SAMMSON: variants seen among roughly 807,000 people sequenced by gnomAD.
The protein encoded by SAMMSON is survival associated mitochondrial melanoma specific oncogenic non-coding RNA, also known as long intergenic non-protein coding RNA 1212.
At chr3:70,266,305 A>T (rs1575610373) in intron 6 of SAMMSON, among the ~76,000 whole-genome samples, 1 of 152,200 alleles carries the variant, frequency 6.6e-6, no homozygotes, top group East Asian at 1.9e-4. Context: ...TTTAATTCAT[A>T]TAGCTCAACA....
At chr3:70,372,848 T>C (rs1434969741) in intron 9 of SAMMSON, among the ~76,000 whole-genome samples, 1 of 152,214 alleles carries the variant, frequency 6.6e-6, no homozygotes, top group African/African-American at 2.4e-5. Flanking sequence ...GTGTATTTTA[T>C]GTACATAACT....
intron 3 of SAMMSON, chr3:70,030,781 A>T (rs1206885760): frequency 1.3e-5 from 2 of 152,224 alleles, no homozygotes; most frequent in African/African-American, 2.4e-5. Context: ...CAGTACACAT[A>T]TGAAAAGATG....
chr3:70,147,396 C>A (rs1225275468), intron 4 of SAMMSON, among the ~76,000 whole-genome samples: 2 of 151,942 alleles, frequency 1.3e-5, no homozygotes, highest in African/African-American at 2.4e-5. Flanking sequence ...CCAGAAGAAT[C>A]AATCTACTCA....
Position 70,114,142 on chromosome 3 carries a change from A to G in SAMMSON, n.507+42577A>G, listed in dbSNP as rs113351641. ...ATCTCAGTTTTGTGCCCTCCAGAGG[A>G]GCGGGTCAGAAGGAAGTTTGACCTT... is the stretch of plus-strand genomic sequence containing the variant. On this transcript the variant is annotated intron_variant and non_coding_transcript_variant, in intron 4 of 9. Coordinates refer to ENST00000642114, the Ensembl canonical transcript of SAMMSON. Among the ~76,000 whole-genome samples the G allele has an allele frequency of 9.6e-3, 1,455 of 152,278 alleles. 16 individuals are homozygous for G. Among genetic ancestry groups the G allele is most frequent in the African/African-American group, 0.033 (1,365 of 41,554 alleles).
intron 7 of SAMMSON, among the ~76,000 whole-genome samples, chr3:70,299,274 A>G (rs370446833): frequency 6.6e-6 from 1 of 152,086 alleles, no homozygotes; most frequent in South Asian, 2.1e-4. Context: ...AAAACATGCT[A>G]TTAAAATATT....
At chr3:70,256,975 T>C (rs891461265) in intron 6 of SAMMSON, among the ~76,000 whole-genome samples, 2 of 152,118 alleles carry the variant, frequency 1.3e-5, no homozygotes, top group African/African-American at 4.8e-5. Context: ...AGCCCGACTA[T>C]GGGCTGAGCG....
intron 3 of SAMMSON, among the ~76,000 whole-genome samples, chr3:70,068,036 G>A (rs945653212): frequency 2.6e-5 from 4 of 151,846 alleles, no homozygotes; most frequent in African/African-American, 7.3e-5. Context: ...TATCTAGGAG[G>A]CCTTGTGATT....
At chr3:70,274,056 CGTGTGTGT>C (rs111792704) in intron 6 of SAMMSON, among the ~76,000 whole-genome samples, 3 of 142,952 alleles carry the variant, frequency 2.1e-5, no homozygotes, top group South Asian at 2.4e-4. Context: ...ATTAAACCTC[CGTGTGTGT>C]GTGTGTGTGT....
chr3:70,430,505 T>A (rs934836710), intron 2 of SAMMSON, among the ~76,000 whole-genome samples: 1 of 152,104 alleles, frequency 6.6e-6, no homozygotes, highest in African/African-American at 2.4e-5. Flanking sequence ...AAGGTTTCTT[T>A]GAAAAAGAGA....
intron 2 of SAMMSON, among the ~76,000 whole-genome samples, chr3:70,424,301 A>T (rs1318484939): frequency 6.6e-6 from 1 of 152,212 alleles, no homozygotes; most frequent in African/African-American, 2.4e-5. Context: ...ACTGAAATAT[A>T]TTATATTGGG....
chr3:70,297,940 G>A (rs1314942155), intron 7 of SAMMSON, among the ~76,000 whole-genome samples: 1 of 152,030 alleles, frequency 6.6e-6, no homozygotes, highest in African/African-American at 2.4e-5. Context: ...TTAGAGAGTG[G>A]TCTCTTACTC....
At chr3:70,198,132 T>C (rs1211251793) in intron 4 of SAMMSON, among the ~76,000 whole-genome samples, 1 of 152,216 alleles carries the variant, frequency 6.6e-6, no homozygotes, top group Non-Finnish European at 1.5e-5. Flanking sequence ...AGTGTTCATG[T>C]GATATATTAC....
chr3:70,194,418 A>G (rs1334347154), intron 4 of SAMMSON, among the ~76,000 whole-genome samples: 1 of 152,212 alleles, frequency 6.6e-6, no homozygotes, highest in Non-Finnish European at 1.5e-5. Flanking sequence ...TACTTCTGCA[A>G]TTGTATTTCC....
At chr3:70,100,175 G>A (rs1257218680) in intron 4 of SAMMSON, among the ~76,000 whole-genome samples, 1 of 151,900 alleles carries the variant, frequency 6.6e-6, no homozygotes, top group Non-Finnish European at 1.5e-5. Context: ...GAGACAGGGT[G>A]TTGCTCTATC....
chr3:70,327,223 C>T (rs1365860338), intron 7 of SAMMSON, among the ~76,000 whole-genome samples: 1 of 152,192 alleles, frequency 6.6e-6, no homozygotes, highest in Admixed American at 6.5e-5. Context: ...ACTTCTGCTT[C>T]TAGACACAAT....
At chr3:70,120,428 T>G (rs2067428109) in intron 4 of SAMMSON, 1 of 152,206 alleles carries the variant, frequency 6.6e-6, no homozygotes. Flanking sequence ...CCCATGCATT[T>G]GATTGGATGC....
intron 4 of SAMMSON, among the ~76,000 whole-genome samples, chr3:70,219,747 T>G (rs1184535132): frequency 3.3e-5 from 5 of 151,966 alleles, no homozygotes; most frequent in Non-Finnish European, 7.4e-5. Context: ...AACACAGAGA[T>G]TAAGAGCAAT....
At chr3:70,320,974 A>T (rs1330010540) in intron 7 of SAMMSON, among the ~76,000 whole-genome samples, 2 of 152,194 alleles carry the variant, frequency 1.3e-5, no homozygotes, top group East Asian at 3.9e-4. Context: ...AGTGTTAAAC[A>T]AGTTAATGAA....
intron 9 of SAMMSON, among the ~76,000 whole-genome samples, chr3:70,380,148 T>A (rs915387307): frequency 6.6e-5 from 10 of 152,262 alleles, no homozygotes; most frequent in African/African-American, 2.2e-4. Flanking sequence ...TCTAGAGCAG[T>A]GTTTTCACTG....
Sources: allele counts gnomAD v4.1 joint callset (sites outside exome capture counted in the v4.1 genomes callset), GRCh38; gene constraint gnomAD v4.1.1; transcripts MANE v1.5; gene names NCBI Gene and HGNC (gene_info 2026-07-23, HGNC 2026-07-21).